Variants in TMEM132E observed in about 807,000 individuals in gnomAD.
TMEM132E encodes transmembrane protein 132E.
Under a neutral mutation model 78.5 loss-of-function variants are expected in TMEM132E, and 49 were observed. The observed-to-expected ratio is 0.62, with a 90% CI of 0.50 to 0.79. The LOEUF (loss-of-function observed/expected upper bound fraction) is 0.79, where lower values mean the gene tolerates loss of function less well. TMEM132E is among the 30% of genes least tolerant of loss of function. The pLI, the probability that TMEM132E is intolerant of heterozygous loss-of-function variation, is 0.00. For missense variants in TMEM132E, 1,403 were observed against 1,470.9 expected (o/e 0.95, Z 0.75); for synonymous variants, 715 against 670.6 (o/e 1.07, Z -1.02).
intron 1 of TMEM132E, among the ~76,000 whole-genome samples, chr17:34,598,227 A>G (rs1182740911): frequency 1.3e-5 from 2 of 151,990 alleles, no homozygotes; most frequent in African/African-American, 4.8e-5. Flanking sequence ...CCCAGCTGGC[A>G]AGTTGTTGGT....
chr17:34,588,627 G>A (rs930020820), intron 1 of TMEM132E, among the ~76,000 whole-genome samples: 3 of 152,120 alleles, frequency 2.0e-5, no homozygotes, highest in Admixed American at 6.6e-5. Context: ...GTCAGAGGAG[G>A]GATGCACAAT....
intron 1 of TMEM132E, among the ~76,000 whole-genome samples, chr17:34,605,840 C>A (rs4795950): frequency 0.56 from 85,282 of 151,926 alleles, 25,207 homozygotes; most frequent in Admixed American, 0.71. Flanking sequence ...TTAGAACCGA[C>A]GCTACTTGAG....
chr17:34,586,068 A>G (rs953303614), intron 1 of TMEM132E, among the ~76,000 whole-genome samples: 6 of 151,948 alleles, frequency 3.9e-5, no homozygotes, highest in Non-Finnish European at 7.4e-5. Flanking sequence ...CTTTTGTTCT[A>G]TGATGAAGAA....
intron 1 of TMEM132E, among the ~76,000 whole-genome samples, chr17:34,613,225 G>GCGCGCGCA (rs1413683784): frequency 3.3e-5 from 5 of 150,098 alleles, no homozygotes; most frequent in African/African-American, 7.3e-5. Context: ...GCGCGCGCGC[G>GCGCGCGCA]CGTTCTTACA....
rs367551499 is a variant in TMEM132E at position 34,632,669 on chromosome 17, G to A, written c.1483-35G>A. On this transcript the variant is annotated intron_variant, in intron 5 of 8. Transcript: ENST00000631683. The stretch of plus-strand genomic sequence containing the variant: ...GCACTGCCTCACAGGAAGACCTGTA[G>A]GGAAGATGTGCCAACTGTTCCTCCC... 6.2e-6 allele frequency: 10 copies of A among 1,611,532 alleles called. No homozygotes were observed. The African/African-American group carries it at 1.2e-4, about 19-fold the overall frequency.
At chr17:34,588,580 C>T (rs1326782439) in intron 1 of TMEM132E, among the ~76,000 whole-genome samples, 2 of 152,082 alleles carry the variant, frequency 1.3e-5, no homozygotes, top group African/African-American at 4.8e-5. Flanking sequence ...AGTCAGCGCA[C>T]ACAACAAAAA....
rs1159113694 is a variant in TMEM132E at position 34,637,951 on chromosome 17, C to A, written c.2944C>A (p.Gln982Lys). ...CAGCTCGCAGACCAGCGTCCAGAGC[C>A]AGGTGCACGGCAGGGGCGACGGCTC... ...SGSSQTSVQSQVHGRGDGSSG... is the reference protein window; with the variant it reads ...SGSSQTSVQSKVHGRGDGSSG... Residue 982 changes from glutamine to lysine, a missense_variant, in exon 9 of 9, where the codon CAG becomes AAG. By Grantham distance (53) the Gln-to-Lys change is moderately conservative. Around this residue, in one of 3 missense-constraint regions of TMEM132E, gnomAD observed 888 missense variants for 952.8 expected, o/e 0.93. Transcript: ENST00000631683. 6.2e-7 allele frequency: 1 copy of A among 1,606,220 alleles called. No homozygotes were observed. The highest frequency in any genetic ancestry group is 8.5e-7 in the Non-Finnish European group (1 of 1,177,564).
chr17:34,605,274 C>A (rs1456646099), intron 1 of TMEM132E, among the ~76,000 whole-genome samples: 1 of 152,200 alleles, frequency 6.6e-6, no homozygotes, highest in Admixed American at 6.5e-5. Context: ...AGCTTCGGAA[C>A]CATGCGGTGC....
chr17:34,585,140 T>C (rs1263278985), intron 1 of TMEM132E, among the ~76,000 whole-genome samples: 2 of 152,204 alleles, frequency 1.3e-5, no homozygotes, highest in African/African-American at 2.4e-5. Flanking sequence ...ATTCACAACA[T>C]AGCCTTGTTA....
intron 5 of TMEM132E, among the ~76,000 whole-genome samples, chr17:34,631,367 G>A (rs1907343252): frequency 6.6e-6 from 1 of 152,150 alleles, no homozygotes; most frequent in Admixed American, 6.5e-5. Flanking sequence ...CTGGAAGACT[G>A]GGATGGGAAG....
intron 1 of TMEM132E, among the ~76,000 whole-genome samples, chr17:34,584,472 T>A (rs1439122141): frequency 6.6e-6 from 1 of 152,268 alleles, no homozygotes; most frequent in African/African-American, 2.4e-5. Context: ...CTAGCACTTT[T>A]TCCTCATAGG....
Position 34,638,262 on chromosome 17 carries a change from C to CA in TMEM132E, c.*30_*31insA, listed in dbSNP as rs1555565372. The CA allele has an allele frequency of 6.8e-6, 10 of 1,473,508 alleles. No individual in the cohort carries two copies. The highest frequency in any genetic ancestry group is 4.0e-4 in the Middle Eastern group (2 of 5,062). 91.3% of individuals were successfully genotyped at this position (1,473,508 alleles called of 1,614,324 possible). A position where few individuals can be genotyped will look rare whatever the true frequency, so the allele number is the denominator to read the frequency against. ...GCCAGCCGGAGTAGCAGGGACCCCC[C>CA]CCCCCAACGGGGTCAGCTCGGGGTA... On this transcript the variant is annotated 3_prime_UTR_variant, in exon 9 of 9. Coordinates refer to ENST00000631683, the MANE Select transcript of TMEM132E (RefSeq NM_001304438.2).
intron 1 of TMEM132E, among the ~76,000 whole-genome samples, chr17:34,604,570 G>A (rs1210657214): frequency 6.6e-6 from 1 of 151,826 alleles, no homozygotes; most frequent in Non-Finnish European, 1.5e-5. Context: ...CCACACATGT[G>A]CGCACCCTCT....
chr17:34,593,779 T>C (rs1223090586), intron 1 of TMEM132E, among the ~76,000 whole-genome samples: 1 of 152,234 alleles, frequency 6.6e-6, no homozygotes, highest in Non-Finnish European at 1.5e-5. Context: ...ATCATCACCC[T>C]TCTTCTCAGA....
intron 1 of TMEM132E, among the ~76,000 whole-genome samples, chr17:34,620,185 G>A (rs1906913815): frequency 6.6e-6 from 1 of 152,174 alleles, no homozygotes; most frequent in Non-Finnish European, 1.5e-5. Context: ...CTGCACCTGG[G>A]GAGAAGGTTG....
intron 5 of TMEM132E, among the ~76,000 whole-genome samples, chr17:34,631,627 T>C (rs1441657606): frequency 1.3e-5 from 2 of 152,168 alleles, no homozygotes; most frequent in African/African-American, 4.8e-5. Flanking sequence ...AGGGCTGCTG[T>C]CCCATCCCTC....
intron 1 of TMEM132E, among the ~76,000 whole-genome samples, chr17:34,611,668 T>A (rs981168862): frequency 6.6e-6 from 1 of 151,946 alleles, no homozygotes; most frequent in Non-Finnish European, 1.5e-5. Context: ...CGAGCCAGGG[T>A]CTAGGAGAAG....
intron 1 of TMEM132E, among the ~76,000 whole-genome samples, chr17:34,582,470 C>T (rs1408901407): frequency 6.6e-6 from 1 of 151,708 alleles, no homozygotes; most frequent in Non-Finnish European, 1.5e-5. Flanking sequence ...GCAGGCAGAC[C>T]TCCCTCTATG....
intron 4 of TMEM132E, among the ~76,000 whole-genome samples, chr17:34,629,602 T>G (rs911856337): frequency 6.6e-6 from 1 of 152,052 alleles, no homozygotes; most frequent in African/African-American, 2.4e-5. Context: ...TCAAAAGAAC[T>G]ATAGATTTAG....
Sources: gnomAD v4.1 joint callset for allele counts (sites outside exome capture counted in the v4.1 genomes callset) on GRCh38, gnomAD v4.1.1 for gene constraint, gnomAD v4.1.1 regional missense constraint, MANE v1.5 for transcripts, NCBI Gene and HGNC (gene_info 2026-07-23, HGNC 2026-07-21) for gene names.